DOCK4: variants seen among roughly 807,000 people sequenced by gnomAD.
DOCK4 encodes the protein dedicator of cytokinesis 4.
In DOCK4, 97 loss-of-function variants were observed where a neutral mutation model predicts 268.1. The observed-to-expected ratio is 0.36, with a 90% CI of 0.31 to 0.43. The LOEUF (loss-of-function observed/expected upper bound fraction) is 0.43. Ranked by LOEUF, DOCK4 falls within the 20% of genes least tolerant of loss-of-function variation. DOCK4 has a pLI of 1.00. For synonymous variants in DOCK4, 954 were observed against 887.2 expected (o/e 1.08, Z -1.34); for missense variants, 2,145 against 2,455.7 (o/e 0.87, Z 2.67).
At chr7:111,775,542 T>A (rs749662397) in intron 36 of DOCK4, among the ~76,000 whole-genome samples, 2 of 152,142 alleles carry the variant, frequency 1.3e-5, no homozygotes, top group Non-Finnish European at 2.9e-5. Flanking sequence ...CATACCACAG[T>A]TAATTCTGTT....
At chr7:111,908,783 G>A (rs751206656) in intron 13 of DOCK4, among the ~76,000 whole-genome samples, 3 of 152,004 alleles carry the variant, frequency 2.0e-5, no homozygotes, top group Non-Finnish European at 4.4e-5. Flanking sequence ...CCACTTAGGA[G>A]TGAGAGTTAG....
chr7:111,739,599 T>C (rs982853898), intron 47 of DOCK4, 122 bp from the exon 48 acceptor site: 13 of 764,934 alleles, frequency 1.7e-5, no homozygotes, highest in South Asian at 1.1e-4. Flanking sequence ...TTTAACAATA[T>C]AGAAAATCTT....
At chr7:111,777,591 T>C (rs1242549178) in intron 36 of DOCK4, among the ~76,000 whole-genome samples, 1 of 152,194 alleles carries the variant, frequency 6.6e-6, no homozygotes, top group Non-Finnish European at 1.5e-5. Context: ...TAATGAGACC[T>C]ATATAGTTGT....
At chr7:112,057,639 G>C (rs1465263617) in intron 1 of DOCK4, among the ~76,000 whole-genome samples, 1 of 151,830 alleles carries the variant, frequency 6.6e-6, no homozygotes, top group Non-Finnish European at 1.5e-5. Flanking sequence ...GCTGGGCTTG[G>C]TGGTATGTGC....
intron 1 of DOCK4, among the ~76,000 whole-genome samples, chr7:112,181,639 C>CAAAAGAAAAAAAA (rs1819048975): frequency 1.5e-5 from 1 of 65,370 alleles, no homozygotes; most frequent in Non-Finnish European, 2.6e-5. Flanking sequence ...GACACTGTCT[C>CAAAAGAAAAAAAA]AAAAAAAAAA....
chr7:112,154,152 T>C (rs1378574349), intron 1 of DOCK4, among the ~76,000 whole-genome samples: 24 of 152,056 alleles, frequency 1.6e-4, no homozygotes, highest in Admixed American at 1.6e-3. Context: ...TTTTATTTTT[T>C]GTAGAGACAA....
chr7:111,959,000 G>A (rs552305123), intron 8 of DOCK4, among the ~76,000 whole-genome samples: 28 of 152,160 alleles, frequency 1.8e-4, no homozygotes, highest in African/African-American at 1.4e-4. Context: ...GGAGTAAACC[G>A]CAAATCTGAT....
intron 12 of DOCK4, 83 bp from the exon 13 acceptor site, chr7:111,915,987 T>C: frequency 2.1e-6 from 3 of 1,425,088 alleles, no homozygotes; most frequent in South Asian, 1.3e-5. Context: ...CAAGCCCAAA[T>C]TTAGAATATC....
At chr7:112,124,693 A>T (rs1376704723) in intron 1 of DOCK4, among the ~76,000 whole-genome samples, 1 of 152,238 alleles carries the variant, frequency 6.6e-6, no homozygotes, top group Non-Finnish European at 1.5e-5. Flanking sequence ...AGGATAAAAT[A>T]AAATCATGTA....
intron 30 of DOCK4, among the ~76,000 whole-genome samples, chr7:111,795,681 TC>T (rs1343934199): frequency 6.6e-6 from 1 of 152,134 alleles, no homozygotes; most frequent in South Asian, 2.1e-4. Flanking sequence ...TTAGTGGAGC[TC>T]TGCTATAGTA....
chr7:111,935,678 G>A, intron 11 of DOCK4, 50 bp from the exon 12 acceptor site: 1 of 1,494,744 alleles, frequency 6.7e-7, no homozygotes, highest in East Asian at 2.3e-5. Context: ...ATGCAGTCAA[G>A]CAGTGATCCT....
intron 1 of DOCK4, among the ~76,000 whole-genome samples, chr7:112,198,165 G>T (rs139024470): frequency 6.6e-6 from 1 of 151,952 alleles, no homozygotes; most frequent in South Asian, 2.1e-4. Flanking sequence ...TAGGCCATGA[G>T]GGGGAGCCTT....
chr7:111,933,260 A>T (rs1373073840), intron 12 of DOCK4, among the ~76,000 whole-genome samples: 5 of 138,206 alleles, frequency 3.6e-5, no homozygotes, highest in Admixed American at 2.9e-4. Context: ...ATATATACTT[A>T]TATATATATA....
intron 37 of DOCK4, among the ~76,000 whole-genome samples, chr7:111,768,586 T>C (rs567758889): frequency 6.7e-6 from 1 of 148,668 alleles, no homozygotes; most frequent in Non-Finnish European, 1.5e-5. Context: ...GTCAGATTCA[T>C]GAATTTTTTA....
chr7:111,860,855 G>A (rs1232165309), intron 23 of DOCK4, among the ~76,000 whole-genome samples: 1 of 152,188 alleles, frequency 6.6e-6, no homozygotes, highest in East Asian at 1.9e-4. Flanking sequence ...TGGAGCATCA[G>A]GAACCAACAA....
At chr7:111,923,862 G>A (rs10280753) in intron 12 of DOCK4, among the ~76,000 whole-genome samples, 2 of 152,014 alleles carry the variant, frequency 1.3e-5, no homozygotes, top group African/African-American at 4.8e-5. Flanking sequence ...TTACTAATTC[G>A]TTTTCCAACT....
At chr7:112,098,964 T>A (rs1317408312) in intron 1 of DOCK4, among the ~76,000 whole-genome samples, 1 of 152,036 alleles carries the variant, frequency 6.6e-6, no homozygotes, top group Non-Finnish European at 1.5e-5. Context: ...TACTTAATTA[T>A]CCCATTTGCA....
At chr7:112,002,249 C>T (rs1408982792) in intron 2 of DOCK4, among the ~76,000 whole-genome samples, 1 of 151,942 alleles carries the variant, frequency 6.6e-6, no homozygotes, top group Non-Finnish European at 1.5e-5. Context: ...TATCAGTTGC[C>T]ATAAAGACAG....
intron 8 of DOCK4, among the ~76,000 whole-genome samples, chr7:111,968,288 GA>G (rs1478229580): frequency 1.3e-5 from 1 of 77,472 alleles, no homozygotes; most frequent in African/African-American, 8.8e-5. Flanking sequence ...CAACATGGGA[GA>G]AAATTTTCGT....
Sources: gnomAD v4.1 joint callset for allele counts (sites outside exome capture counted in the v4.1 genomes callset) on GRCh38, gnomAD v4.1.1 for gene constraint, MANE v1.5 for transcripts, NCBI Gene and HGNC (gene_info 2026-07-23, HGNC 2026-07-21) for gene names.